The following LMCD1 variants were observed in gnomAD, a reference collection of about 807,000 sequenced individuals.
LMCD1 encodes the protein LIM and cysteine-rich domains protein 1.
LMCD1 carries 32 observed loss-of-function variants against 42.7 expected under a neutral mutation model. The observed-to-expected ratio is 0.75, with a 90% confidence interval of 0.57 to 1.01. The LOEUF (loss-of-function observed/expected upper bound fraction) is 1.01, where lower values mean the gene tolerates loss of function less well. LMCD1 is among the 50% of genes least tolerant of loss of function. The pLI is 0.00. For missense variants in LMCD1, 458 were observed against 483.1 expected, an observed-to-expected ratio of 0.95 and a Z score of 0.49; for synonymous variants, 178 against 184.9, an observed-to-expected ratio of 0.96 and a Z score of 0.30.
intron 3 of LMCD1, among the ~76,000 whole-genome samples, chr3:8,545,452 T>G (rs1694717029): frequency 6.6e-6 from 1 of 152,194 alleles, no homozygotes; most frequent in Non-Finnish European, 1.5e-5. Flanking sequence ...CCTTGAGAAT[T>G]CTTACATTTT....
At chr3:8,537,497 T>C (rs1694535103) in intron 3 of LMCD1, 57 bp downstream of exon 3, 2 of 1,482,944 alleles carry the variant, frequency 1.3e-6, no homozygotes, top group African/African-American at 1.4e-5. Context: ...ATACTAGCCA[T>C]GTCAAGTGTT....
chr3:8,548,087 A>G (rs1194050147), intron 3 of LMCD1, among the ~76,000 whole-genome samples: 1 of 152,212 alleles, frequency 6.6e-6, no homozygotes, highest in Non-Finnish European at 1.5e-5. Flanking sequence ...AGGTATAGTG[A>G]AAATAGAGTA....
intron 4 of LMCD1, among the ~76,000 whole-genome samples, chr3:8,554,071 C>T (rs1369117648): frequency 6.6e-6 from 1 of 152,150 alleles, no homozygotes; most frequent in Non-Finnish European, 1.5e-5. Context: ...AGATACACGG[C>T]TCTCACTCTC....
intron 4 of LMCD1, among the ~76,000 whole-genome samples, chr3:8,555,403 G>A (rs1452587870): frequency 6.6e-6 from 1 of 152,154 alleles, no homozygotes; most frequent in Non-Finnish European, 1.5e-5. Context: ...CACTTAGTGA[G>A]CCCCATCTGA....
Sources: gnomAD v4.1 joint callset for allele counts (sites outside exome capture counted in the v4.1 genomes callset) on GRCh38, gnomAD v4.1.1 for gene constraint, MANE v1.5 for transcripts, NCBI Gene and HGNC (gene_info 2026-07-23, HGNC 2026-07-21) for gene names.